The following JAZF1 variants were observed in gnomAD, a reference collection of about 807,000 sequenced individuals.
JAZF1 encodes the protein JAZF zinc finger 1, also known as juxtaposed with another zinc finger protein 1.
A neutral mutation model predicts 26.4 loss-of-function variants in JAZF1; 8 were observed. That is an observed-to-expected ratio of 0.30 (90% CI 0.18 to 0.55). The LOEUF (loss-of-function observed/expected upper bound fraction) is 0.55. Ranked by LOEUF, JAZF1 falls within the 20% of genes least tolerant of loss-of-function variation. The probability of loss-of-function intolerance (pLI) is 0.94; values close to 1 mark genes in which losing one functional copy is unlikely to be tolerated. For missense variants in JAZF1, 199 were observed against 322.0 expected (o/e 0.62, Z 2.92); for synonymous variants, 126 against 122.3 (o/e 1.03, Z -0.20).
chr7:28,091,048 A>G (rs977629155), intron 1 of JAZF1, among the ~76,000 whole-genome samples: 1 of 148,510 alleles, frequency 6.7e-6, no homozygotes, highest in Admixed American at 6.7e-5. Flanking sequence ...GGATGGTCTC[A>G]ATCTCCTGAC....
chr7:28,069,622 A>T (rs1783942745), intron 1 of JAZF1, among the ~76,000 whole-genome samples: 1 of 152,172 alleles, frequency 6.6e-6, no homozygotes. Flanking sequence ...AGGGCAGAAG[A>T]GCTGCTCTCC....
At chr7:28,021,515 A>G (rs1783006930) in intron 1 of JAZF1, among the ~76,000 whole-genome samples, 2 of 152,206 alleles carry the variant, frequency 1.3e-5, no homozygotes, top group African/African-American at 4.8e-5. Flanking sequence ...ACCAGTTGCT[A>G]ACAGCTGGAG....
At chr7:27,940,983 G>C (rs942284715) in intron 2 of JAZF1, among the ~76,000 whole-genome samples, 16 of 152,246 alleles carry the variant, frequency 1.1e-4, no homozygotes, top group South Asian at 8.3e-4. Flanking sequence ...TTTAATGGTA[G>C]GTGTTTTTAA....
chr7:28,102,046 T>C (rs928692708), intron 1 of JAZF1, among the ~76,000 whole-genome samples: 1 of 152,098 alleles, frequency 6.6e-6, no homozygotes, highest in African/African-American at 2.4e-5. Context: ...TGGGGAGTGG[T>C]ACCACCCTGA....
At chr7:28,082,731 C>G (rs1479840084) in intron 1 of JAZF1, among the ~76,000 whole-genome samples, 3 of 152,166 alleles carry the variant, frequency 2.0e-5, no homozygotes, top group Non-Finnish European at 4.4e-5. Context: ...CCATAAATCC[C>G]CAAGGACTGT....
intron 2 of JAZF1, among the ~76,000 whole-genome samples, chr7:27,944,285 G>A (rs948555353): frequency 1.3e-5 from 2 of 152,230 alleles, no homozygotes; most frequent in African/African-American, 2.4e-5. Flanking sequence ...CATGAGTCCA[G>A]TGCAAGAAAA....
chr7:27,844,724 A>G (rs944122643), intron 3 of JAZF1, among the ~76,000 whole-genome samples: 1 of 152,246 alleles, frequency 6.6e-6, no homozygotes, highest in Non-Finnish European at 1.5e-5. Flanking sequence ...AGTAGGTACA[A>G]AGAATTAATA....
At chr7:28,015,890 C>T (rs926834834) in intron 1 of JAZF1, among the ~76,000 whole-genome samples, 10 of 152,106 alleles carry the variant, frequency 6.6e-5, no homozygotes, top group Admixed American at 3.9e-4. Flanking sequence ...GCTCTAGGTC[C>T]CCCCTGCTCC....
intron 2 of JAZF1, among the ~76,000 whole-genome samples, chr7:27,953,641 C>CACACCT (rs1473235035): frequency 6.6e-6 from 1 of 152,164 alleles, no homozygotes; most frequent in Non-Finnish European, 1.5e-5. Context: ...GTGGCATGCA[C>CACACCT]ACACCTATAT....
intron 1 of JAZF1, among the ~76,000 whole-genome samples, chr7:28,007,794 C>T (rs1782729815): frequency 6.6e-6 from 1 of 152,144 alleles, no homozygotes; most frequent in African/African-American, 2.4e-5. Flanking sequence ...GTTTTAGGTT[C>T]ACAGCAAAAT....
At chr7:28,086,718 T>C (rs1784217308) in intron 1 of JAZF1, among the ~76,000 whole-genome samples, 1 of 152,244 alleles carries the variant, frequency 6.6e-6, no homozygotes, top group Admixed American at 6.5e-5. Flanking sequence ...TAAAGTTTTA[T>C]GTCATAATAG....
At chr7:27,958,944 T>C (rs1785144743) in intron 2 of JAZF1, among the ~76,000 whole-genome samples, 1 of 152,184 alleles carries the variant, frequency 6.6e-6, no homozygotes, top group African/African-American at 2.4e-5. Flanking sequence ...TTACTAGCAG[T>C]ACCAGTAAAG....
intron 1 of JAZF1, among the ~76,000 whole-genome samples, chr7:28,105,253 G>C (rs957948684): frequency 1.3e-5 from 2 of 152,150 alleles, no homozygotes; most frequent in Non-Finnish European, 2.9e-5. Flanking sequence ...TTCCATCTTG[G>C]TTAGAAATAG....
At chr7:28,130,957 C>T (rs944149061) in intron 1 of JAZF1, among the ~76,000 whole-genome samples, 11 of 152,140 alleles carry the variant, frequency 7.2e-5, no homozygotes, top group Admixed American at 3.3e-4. Flanking sequence ...TCCCTCACTA[C>T]CATCATGAAA....
At chr7:28,175,504 G>A (rs1335223788) in intron 1 of JAZF1, among the ~76,000 whole-genome samples, 3 of 152,158 alleles carry the variant, frequency 2.0e-5, no homozygotes, top group South Asian at 4.1e-4. Context: ...TAACCACTCC[G>A]TGAGATGGAT....
intron 1 of JAZF1, among the ~76,000 whole-genome samples, chr7:28,062,884 T>C (rs550438209): frequency 2.8e-3 from 430 of 152,320 alleles, no homozygotes; most frequent in African/African-American, 9.8e-3. Context: ...TTAATTCTCA[T>C]TTCTGAATTC....
chr7:27,968,907 C>T (rs906874456), intron 2 of JAZF1, among the ~76,000 whole-genome samples: 1 of 151,970 alleles, frequency 6.6e-6, no homozygotes, highest in Non-Finnish European at 1.5e-5. Context: ...AATGAATTTA[C>T]CCCAATAATA....
Position 27,906,249 on chromosome 7 carries a change from T to C in JAZF1, c.189-10833A>G, listed in dbSNP as rs559704088. Among the ~76,000 whole-genome samples, 9 of 129,264 alleles carry C rather than the reference T, an allele frequency of 7.0e-5. No homozygotes were observed. The South Asian group carries it at 2.2e-3, about 32-fold the overall frequency. The allele number at this position is 129,264 out of a possible 152,430, so 84.8% of individuals were successfully genotyped here. A position where few individuals can be genotyped will look rare whatever the true frequency, so the allele number is the denominator to read the frequency against. On this transcript the variant is annotated intron_variant, in intron 2 of 4. Transcript: ENST00000283928. ...GACACACAGAGGGGTGGTGAGGTGCTGGATGCCCCCGTTCCCTGGCCCCAC... is the reference window on the plus strand; with the variant it reads ...GACACACAGAGGGGTGGTGAGGTGCCGGATGCCCCCGTTCCCTGGCCCCAC...
chr7:28,036,390 A>G (rs1783293929), intron 1 of JAZF1, among the ~76,000 whole-genome samples: 2 of 152,216 alleles, frequency 1.3e-5, no homozygotes, highest in African/African-American at 4.8e-5. Context: ...GGGAGCATGC[A>G]TATTATTTGA....
Sources: gnomAD v4.1 joint callset for allele counts (sites outside exome capture counted in the v4.1 genomes callset) on GRCh38, gnomAD v4.1.1 for gene constraint, MANE v1.5 for transcripts, NCBI Gene and HGNC (gene_info 2026-07-23, HGNC 2026-07-21) for gene names.